Variants in F13A1 observed in about 807,000 individuals in gnomAD.
F13A1 encodes FSF, A subunit.
F13A1 carries 47 observed loss-of-function variants against 80.1 expected under a neutral mutation model. That is an observed-to-expected ratio of 0.59 (90% CI 0.46 to 0.75). The LOEUF (loss-of-function observed/expected upper bound fraction) is 0.75, where lower values mean the gene tolerates loss of function less well. Ranked by LOEUF, F13A1 falls within the 30% of genes least tolerant of loss-of-function variation. F13A1 has a pLI of 0.00. For missense variants in F13A1, 817 were observed against 930.4 expected (o/e 0.88, Z 1.59); for synonymous variants, 349 against 344.9 (o/e 1.01, Z -0.13).
intron 6 of F13A1, among the ~76,000 whole-genome samples, chr6:6,238,209 G>A (rs1757438163): frequency 6.6e-6 from 1 of 152,064 alleles, no homozygotes; most frequent in African/African-American, 2.4e-5. Context: ...ATTCAATGAA[G>A]AAAATGACAG....
intron 3 of F13A1, among the ~76,000 whole-genome samples, chr6:6,276,616 G>C (rs1561676413): frequency 6.6e-6 from 1 of 152,100 alleles, no homozygotes; most frequent in Non-Finnish European, 1.5e-5. Flanking sequence ...ACTAGCTCTA[G>C]GCTACATAGC....
intron 8 of F13A1, among the ~76,000 whole-genome samples, chr6:6,216,297 CA>C (rs1757087026): frequency 1.3e-5 from 2 of 151,784 alleles, no homozygotes; most frequent in African/African-American, 2.4e-5. Flanking sequence ...CTACAGTAAC[CA>C]AAACAGGATG....
chr6:6,248,198 A>C (rs200013583), intron 6 of F13A1, 114 bp downstream of exon 6: 1 of 904,220 alleles, frequency 1.1e-6, no homozygotes, highest in East Asian at 2.6e-5. Flanking sequence ...GAATCTTACA[A>C]ATGAAAGTTT....
At chr6:6,289,311 TGA>T (rs1250402457) in intron 3 of F13A1, among the ~76,000 whole-genome samples, 1 of 152,086 alleles carries the variant, frequency 6.6e-6, no homozygotes, top group Non-Finnish European at 1.5e-5. Context: ...TTTAATCACG[TGA>T]GCTGTCATCC....
chr6:6,186,351 A>T (rs1054692284), intron 10 of F13A1, among the ~76,000 whole-genome samples: 10 of 152,074 alleles, frequency 6.6e-5, no homozygotes, highest in African/African-American at 1.7e-4. Context: ...TTTTTATGGT[A>T]TAAGGTCTAA....
At chr6:6,294,032 T>C (rs759146481) in intron 3 of F13A1, among the ~76,000 whole-genome samples, 2 of 152,178 alleles carry the variant, frequency 1.3e-5, no homozygotes, top group Non-Finnish European at 2.9e-5. Context: ...ATTTTAAATA[T>C]AATAATAGCT....
chr6:6,299,144 G>C (rs1486587338), intron 3 of F13A1, among the ~76,000 whole-genome samples: 8 of 141,824 alleles, frequency 5.6e-5, no homozygotes, highest in African/African-American at 1.8e-4. Flanking sequence ...GCTTCCCTTT[G>C]AGGGTAACCC....
At chr6:6,241,411 G>A (rs928795280) in intron 6 of F13A1, among the ~76,000 whole-genome samples, 5 of 152,116 alleles carry the variant, frequency 3.3e-5, no homozygotes, top group East Asian at 1.9e-4. Context: ...TACCACCACC[G>A]CCACCATCAT....
At chr6:6,207,567 A>C (rs1035766885) in intron 8 of F13A1, among the ~76,000 whole-genome samples, 3 of 152,202 alleles carry the variant, frequency 2.0e-5, no homozygotes, top group Admixed American at 2.0e-4. Flanking sequence ...CAGGGCTGTG[A>C]GCATGCCCAA....
intron 4 of F13A1, among the ~76,000 whole-genome samples, chr6:6,260,376 A>G (rs1384372733): frequency 1.3e-5 from 2 of 152,182 alleles, no homozygotes; most frequent in South Asian, 2.1e-4. Flanking sequence ...CTCGGGCCAC[A>G]ATCTTGTTCA....
At chr6:6,282,016 A>G (rs1758074081) in intron 3 of F13A1, among the ~76,000 whole-genome samples, 1 of 141,754 alleles carries the variant, frequency 7.1e-6, no homozygotes, top group Non-Finnish European at 1.5e-5. Context: ...AAAAAAAAAA[A>G]TGTATGGAGG....
At chr6:6,318,786 T>C in intron 1 of F13A1, 104 bp from the exon 2 acceptor site, 2 of 1,252,978 alleles carry the variant, frequency 1.6e-6, no homozygotes, top group Non-Finnish European at 2.3e-6. Context: ...CTGTGTGTGA[T>C]AGCACTTGAG....
intron 6 of F13A1, among the ~76,000 whole-genome samples, chr6:6,245,510 C>G (rs1274679678): frequency 6.6e-6 from 1 of 152,206 alleles, no homozygotes; most frequent in African/African-American, 2.4e-5. Context: ...AGGCGTGAGC[C>G]ACCGTTCCTG....
At chr6:6,240,158 G>C (rs1241188274) in intron 6 of F13A1, among the ~76,000 whole-genome samples, 1 of 152,146 alleles carries the variant, frequency 6.6e-6, no homozygotes, top group Non-Finnish European at 1.5e-5. Context: ...TTCAGGGAAA[G>C]CAGACATTTA....
chr6:6,265,925 ATATAT>A (rs1757837172), intron 4 of F13A1, among the ~76,000 whole-genome samples: 1 of 152,248 alleles, frequency 6.6e-6, no homozygotes, highest in Admixed American at 6.5e-5. Flanking sequence ...TACTGTCAAC[ATATAT>A]TAGGTTGGTG....
Position 6,145,538 on chromosome 6 carries a change from A to C in F13A1, c.*81T>G. ...GGGTCTTCACACCTAAGTCAAAGCAAGAGCTATTTTTGCGTTAGAATTTCC... is the reference window on the plus strand; with the variant it reads ...GGGTCTTCACACCTAAGTCAAAGCACGAGCTATTTTTGCGTTAGAATTTCC... On this transcript the variant is annotated 3_prime_UTR_variant, in exon 15 of 15. Transcript: ENST00000264870. 6.3e-7 allele frequency: 1 copy of C among 1,584,342 alleles called. No homozygotes were observed. Among genetic ancestry groups the C allele is most frequent in the Non-Finnish European group, 8.7e-7 (1 of 1,153,512 alleles).
intron 3 of F13A1, among the ~76,000 whole-genome samples, chr6:6,271,786 C>A (rs534266034): frequency 6.6e-6 from 1 of 152,254 alleles, no homozygotes; most frequent in Non-Finnish European, 1.5e-5. Context: ...TTATTGAGGC[C>A]ACAAAACTAA....
intron 2 of F13A1, among the ~76,000 whole-genome samples, chr6:6,318,209 T>C (rs914788689): frequency 6.6e-6 from 1 of 152,190 alleles, no homozygotes; most frequent in East Asian, 1.9e-4. Context: ...CTCTAAAGCA[T>C]TGAGCAGTAG....
intron 4 of F13A1, among the ~76,000 whole-genome samples, chr6:6,251,209 T>C (rs1272142518): frequency 6.6e-6 from 1 of 152,248 alleles, no homozygotes; most frequent in Non-Finnish European, 1.5e-5. Context: ...TTGATATGTC[T>C]CATTAAACAT....
Sources: gnomAD v4.1 joint callset for allele counts (sites outside exome capture counted in the v4.1 genomes callset) on GRCh38, gnomAD v4.1.1 for gene constraint, MANE v1.5 for transcripts, NCBI Gene and HGNC (gene_info 2026-07-23, HGNC 2026-07-21) for gene names.